TAFA2: variants seen among roughly 807,000 people sequenced by gnomAD.
TAFA2 encodes the protein TAFA chemokine like family member 2, also known as chemokine-like protein TAFA-2.
Under a neutral mutation model 18.8 loss-of-function variants are expected in TAFA2, and 7 were observed. That is an observed-to-expected ratio of 0.37 (90% CI 0.21 to 0.70). The LOEUF (loss-of-function observed/expected upper bound fraction) is 0.70. Among genes scored for constraint, TAFA2 ranks in the 30% least tolerant of loss-of-function variants. TAFA2 has a pLI of 0.53. For missense variants in TAFA2, 122 were observed against 158.1 expected, an observed-to-expected ratio of 0.77 and a Z score of 1.23; for synonymous variants, 60 against 54.2, an observed-to-expected ratio of 1.11 and a Z score of -0.47.
chr12:62,095,321 G>T (rs1435744385), intron 1 of TAFA2, among the ~76,000 whole-genome samples: 1 of 152,094 alleles, frequency 6.6e-6, no homozygotes, highest in Non-Finnish European at 1.5e-5. Flanking sequence ...GGGATAGACA[G>T]TCGATTAACA....
intron 2 of TAFA2, among the ~76,000 whole-genome samples, chr12:61,763,869 T>C (rs1411877361): frequency 6.6e-6 from 1 of 151,996 alleles, no homozygotes; most frequent in Non-Finnish European, 1.5e-5. Flanking sequence ...TTCCTGTTTT[T>C]TTCTGAATTC....
intron 1 of TAFA2, among the ~76,000 whole-genome samples, chr12:62,164,519 G>A (rs1185580725): frequency 6.6e-6 from 1 of 152,010 alleles, no homozygotes; most frequent in Non-Finnish European, 1.5e-5. Context: ...TTAAGGCTCA[G>A]GCCTTAACAC....
intron 1 of TAFA2, among the ~76,000 whole-genome samples, chr12:62,046,467 C>T (rs752773073): frequency 5.9e-5 from 9 of 151,718 alleles, no homozygotes; most frequent in Non-Finnish European, 1.2e-4. Flanking sequence ...ACGATGTTAA[C>T]ATTTAAACAT....
intron 1 of TAFA2, among the ~76,000 whole-genome samples, chr12:62,127,693 G>A (rs1870521494): frequency 6.6e-6 from 1 of 151,966 alleles, no homozygotes; most frequent in Non-Finnish European, 1.5e-5. Context: ...GTGCTCCCAA[G>A]TCAAAATGCC....
chr12:61,982,341 T>A (rs545747830), intron 1 of TAFA2, among the ~76,000 whole-genome samples: 1 of 152,008 alleles, frequency 6.6e-6, no homozygotes, highest in African/African-American at 2.4e-5. Flanking sequence ...CTAATGTAAA[T>A]GATGACTTGA....
intron 1 of TAFA2, among the ~76,000 whole-genome samples, chr12:62,214,283 T>C (rs1267518451): frequency 1.3e-5 from 2 of 152,178 alleles, no homozygotes; most frequent in Non-Finnish European, 2.9e-5. Context: ...AGTTCTTTCC[T>C]GTGCTGTTTT....
In TAFA2 at chr12:61,982,876, CAAAA is replaced by C. The variant is rs3031097; in HGVS notation, c.-1-115454_-1-115451del. Among the ~76,000 whole-genome samples the C allele has an allele frequency of 1.9e-3, 192 of 101,602 alleles. 2 individuals are homozygous for C. Among genetic ancestry groups the C allele is most frequent in the Middle Eastern group, 0.013 (2 of 150 alleles). The allele number at this position is 101,602 out of a possible 152,430, so 66.7% of individuals were successfully genotyped here. A position where few individuals can be genotyped will look rare whatever the true frequency, so the allele number is the denominator to read the frequency against. Reference sequence around the variant, plus strand: ...TATATTCCCACCAGCAAGTGGAAGGCAAAAAAAAAAAAAAAAAAGTTACTTTTTT... The same window carrying C: ...TATATTCCCACCAGCAAGTGGAAGGCAAAAAAAAAAAAAAGTTACTTTTTT... On this transcript the variant is annotated intron_variant, in intron 1 of 4. Transcript: ENST00000416284.
chr12:62,107,016 T>C (rs1869489761), intron 1 of TAFA2, among the ~76,000 whole-genome samples: 1 of 152,224 alleles, frequency 6.6e-6, no homozygotes, highest in Non-Finnish European at 1.5e-5. Context: ...AGAAAGGTTC[T>C]GCTTTCTTAA....
chr12:61,795,516 T>A (rs1441447504), intron 2 of TAFA2, among the ~76,000 whole-genome samples: 1 of 151,252 alleles, frequency 6.6e-6, no homozygotes, highest in Non-Finnish European at 1.5e-5. Flanking sequence ...CACTCATAGG[T>A]GGGAACTGAA....
chr12:61,767,462 T>C (rs1247301783), intron 2 of TAFA2, among the ~76,000 whole-genome samples: 1 of 152,104 alleles, frequency 6.6e-6, no homozygotes, highest in Non-Finnish European at 1.5e-5. Context: ...TATAATTCCA[T>C]ACCCTTCTGT....
rs1358299157 is a variant in TAFA2 at position 61,879,385 on chromosome 12, G to A, written c.-1-11959C>T. On this transcript the variant is annotated intron_variant, in intron 1 of 4. Coordinates refer to ENST00000416284, the MANE Select transcript of TAFA2 (RefSeq NM_178539.5). ...TCTGGCCCCCGGGCCTTCAGCAGCC[G>A]CTTCCTACACGAGTGGTCCCGGTGC... The A allele has an allele frequency of 6.6e-6, 5 of 752,010 alleles. No individual in the cohort carries two copies. In the East Asian group the frequency reaches 9.0e-5, roughly 14 times the overall value. The allele number at this position is 752,010 out of a possible 1,614,324, so 46.6% of individuals were successfully genotyped here.
At chr12:62,169,941 T>C (rs1372429047) in intron 1 of TAFA2, among the ~76,000 whole-genome samples, 2 of 151,888 alleles carry the variant, frequency 1.3e-5, no homozygotes, top group Non-Finnish European at 2.9e-5. Context: ...CCAAAACTGA[T>C]AGTAGCTGTA....
chr12:62,146,285 T>TA (rs1491528653), intron 1 of TAFA2, among the ~76,000 whole-genome samples: 2 of 3,572 alleles, frequency 5.6e-4, no homozygotes, highest in Non-Finnish European at 2.4e-3. Context: ...CCTTTGCTGC[T>TA]TTTTTTTTTT....
At chr12:61,833,568 A>G (rs531425727) in intron 2 of TAFA2, among the ~76,000 whole-genome samples, 1 of 152,098 alleles carries the variant, frequency 6.6e-6, no homozygotes, top group South Asian at 2.1e-4. Context: ...ATAATATATA[A>G]TTTATTTAAG....
intron 1 of TAFA2, among the ~76,000 whole-genome samples, chr12:62,155,017 A>C (rs2440584): frequency 0.12 from 18,470 of 152,150 alleles, 1,209 homozygotes; most frequent in Admixed American, 0.18. Flanking sequence ...CCCTGTTTGC[A>C]GACAATGTGG....
chr12:61,737,588 T>TA (rs539404908), intron 4 of TAFA2, among the ~76,000 whole-genome samples: 282 of 144,436 alleles, frequency 2.0e-3, no homozygotes, highest in East Asian at 2.4e-3. Context: ...GTTATTTCAC[T>TA]AAAAAAAAAA....
chr12:61,917,564 T>G (rs1007298922), intron 1 of TAFA2, among the ~76,000 whole-genome samples: 1 of 152,108 alleles, frequency 6.6e-6, no homozygotes, highest in Non-Finnish European at 1.5e-5. Context: ...CACCCAATAA[T>G]TAGCCTGTGC....
chr12:61,891,048 A>T (rs1243793434), intron 1 of TAFA2, among the ~76,000 whole-genome samples: 1 of 152,226 alleles, frequency 6.6e-6, no homozygotes, highest in Non-Finnish European at 1.5e-5. Context: ...ACTGTGTTCT[A>T]TTTCTGGAGC....
intron 1 of TAFA2, among the ~76,000 whole-genome samples, chr12:61,932,391 A>G (rs1877593955): frequency 1.3e-5 from 2 of 151,890 alleles, no homozygotes. Flanking sequence ...TCACTCGAGA[A>G]GTGAAAAGTG....
Sources: allele counts gnomAD v4.1 joint callset (sites outside exome capture counted in the v4.1 genomes callset), GRCh38; gene constraint gnomAD v4.1.1; transcripts MANE v1.5; gene names NCBI Gene and HGNC (gene_info 2026-07-23, HGNC 2026-07-21).